REEP1: variants seen among roughly 807,000 people sequenced by gnomAD.
REEP1 encodes the protein receptor expression-enhancing protein 1.
Under a neutral mutation model 40.3 loss-of-function variants are expected in REEP1, and 22 were observed. The ratio of observed to expected loss-of-function variants is 0.55; its 90% CI spans 0.39 to 0.78. REEP1 has a LOEUF of 0.78. Ranked by LOEUF, REEP1 falls within the 30% of genes least tolerant of loss-of-function variation. The probability of loss-of-function intolerance (pLI) is 0.00; values close to 1 mark genes in which losing one functional copy is unlikely to be tolerated. For missense variants in REEP1, 280 were observed against 361.1 expected, an observed-to-expected ratio of 0.78 and a Z score of 1.82; for synonymous variants, 116 against 139.2, an observed-to-expected ratio of 0.83 and a Z score of 1.17.
At chr2:86,233,886 C>T (rs925879470) in intron 5 of REEP1, among the ~76,000 whole-genome samples, 3 of 151,526 alleles carry the variant, frequency 2.0e-5, no homozygotes, top group African/African-American at 4.9e-5. Context: ...AAAGAGTGGT[C>T]CCAGAGATCT....
chr2:86,336,811 C>T (rs954206108), intron 1 of REEP1: 2 of 152,512 alleles, frequency 1.3e-5, no homozygotes, highest in African/African-American at 4.8e-5. Context: ...CCGTGCATTC[C>T]TGGAGGTACC....
intron 4 of REEP1, 54 bp from the exon 5 acceptor site, chr2:86,252,124 GTTTTC>G: frequency 8.0e-7 from 1 of 1,244,608 alleles, no homozygotes; most frequent in Non-Finnish European, 1.2e-6. Flanking sequence ...ACACATCTCT[GTTTTC>G]TTTCCTTTCC....
At chr2:86,333,996 C>A (rs944820354) in intron 1 of REEP1, among the ~76,000 whole-genome samples, 1 of 152,218 alleles carries the variant, frequency 6.6e-6, no homozygotes, top group African/African-American at 2.4e-5. Flanking sequence ...TGCCTGCTGA[C>A]CTCCGTCCCC....
At chr2:86,274,737 G>A (rs1574068194) in intron 2 of REEP1, among the ~76,000 whole-genome samples, 2 of 152,146 alleles carry the variant, frequency 1.3e-5, no homozygotes, top group African/African-American at 4.8e-5. Flanking sequence ...TAATATTCAG[G>A]AGTAACTCTC....
At chr2:86,245,584 T>C (rs796462919) in intron 5 of REEP1, among the ~76,000 whole-genome samples, 3 of 152,198 alleles carry the variant, frequency 2.0e-5, no homozygotes, top group Non-Finnish European at 4.4e-5. Flanking sequence ...ATCTAAGTGA[T>C]TGTACTCAAT....
chr2:86,338,024 C>T (rs755719093), upstream of REEP1: 26 of 1,537,062 alleles, frequency 1.7e-5, no homozygotes, highest in Non-Finnish European at 1.9e-5. Context: ...AAGGGTTTAC[C>T]TGGATCCAGA....
At chr2:86,274,398 T>G in intron 2 of REEP1, among the ~76,000 whole-genome samples, 1 of 152,226 alleles carries the variant, frequency 6.6e-6, no homozygotes, top group East Asian at 1.9e-4. Context: ...GGGGACTTAA[T>G]GCATTCTCCT....
At position 86,326,483 on chromosome 2, in the gene REEP1, C is replaced by T. The variant is rs143233844; in HGVS notation, c.32+10996G>A. On this transcript the variant is annotated intron_variant, in intron 1 of 8. Coordinates refer to ENST00000538924, the MANE Select transcript of REEP1 (RefSeq NM_001371279.1). Reference sequence around the variant, plus strand: ...ATCCCAGCACTTTGGGGTGCCAAGGCGGGCAGATCACCTGATGTCAGGAGT... The same window carrying T: ...ATCCCAGCACTTTGGGGTGCCAAGGTGGGCAGATCACCTGATGTCAGGAGT... 5.1e-3 allele frequency among the ~76,000 whole-genome samples: 769 copies of T among 152,164 alleles called. 3 individuals carry two copies. Among genetic ancestry groups the T allele is most frequent in the African/African-American group, 0.017 (724 of 41,520 alleles).
intron 1 of REEP1, among the ~76,000 whole-genome samples, chr2:86,305,985 G>A (rs962825275): frequency 6.6e-6 from 1 of 152,166 alleles, no homozygotes; most frequent in African/African-American, 2.4e-5. Flanking sequence ...GAATATTGGA[G>A]TAAAGTCTTA....
chr2:86,280,167 A>T, intron 2 of REEP1: 1 of 398,586 alleles, frequency 2.5e-6, no homozygotes, highest in East Asian at 7.3e-5. Context: ...CAGGAAGGAA[A>T]CACAGGAGTG....
chr2:86,235,567 T>C (rs1025728490), intron 5 of REEP1, among the ~76,000 whole-genome samples: 1 of 152,116 alleles, frequency 6.6e-6, no homozygotes, highest in Non-Finnish European at 1.5e-5. Flanking sequence ...AAAGCAGAGG[T>C]GGAAAAGGTC....
chr2:86,267,385 A>G (rs879803441), intron 2 of REEP1, among the ~76,000 whole-genome samples: 3 of 152,186 alleles, frequency 2.0e-5, no homozygotes, highest in Non-Finnish European at 4.4e-5. Context: ...ACGTTCCACC[A>G]TGATTGTAAG....
intron 3 of REEP1, among the ~76,000 whole-genome samples, chr2:86,259,778 A>G (rs138639100): frequency 1.0e-3 from 156 of 152,292 alleles, no homozygotes; most frequent in African/African-American, 3.6e-3. Context: ...CTGGGACCAT[A>G]AATAATTGTT....
chr2:86,290,719 C>G (rs542244885), intron 1 of REEP1, among the ~76,000 whole-genome samples: 3 of 152,326 alleles, frequency 2.0e-5, no homozygotes, highest in South Asian at 4.1e-4. Flanking sequence ...GAAACTCTGA[C>G]CTTTACCATA....
intron 3 of REEP1, among the ~76,000 whole-genome samples, chr2:86,255,790 T>C (rs375682898): frequency 2.0e-5 from 3 of 152,176 alleles, no homozygotes; most frequent in African/African-American, 7.2e-5. Context: ...TTTGAATGTA[T>C]TAGAAGAAAA....
At chr2:86,256,331 G>T (rs1676560640) in intron 3 of REEP1, among the ~76,000 whole-genome samples, 1 of 133,124 alleles carries the variant, frequency 7.5e-6, no homozygotes, top group East Asian at 2.1e-4. Flanking sequence ...CTGGGCGACA[G>T]AGCAAGATTC....
intron 2 of REEP1, among the ~76,000 whole-genome samples, chr2:86,275,160 C>T (rs1309704144): frequency 6.6e-6 from 1 of 152,122 alleles, no homozygotes; most frequent in Non-Finnish European, 1.5e-5. Context: ...AAAATTCAAG[C>T]CTGCTTTACA....
Position 86,250,382 on chromosome 2 carries a change from G to A in REEP1, c.417+1575C>T, listed in dbSNP as rs72938396. Among the ~76,000 whole-genome samples the A allele has an allele frequency of 9.4e-3, 1,434 of 152,292 alleles. 14 individuals carry two copies. Among genetic ancestry groups the A allele is most frequent in the African/African-American group, 0.031 (1,298 of 41,554 alleles). ...TGAGACAGGGTTTCCGTAGCTTTAC[G>A]TTGCCAGGTTGGCCTGATGAATTCA... is the stretch of plus-strand genomic sequence containing the variant. On this transcript the variant is annotated intron_variant, in intron 5 of 8. Transcript: ENST00000538924.
chr2:86,221,055 A>G (rs1373016858), intron 7 of REEP1, among the ~76,000 whole-genome samples: 1 of 152,154 alleles, frequency 6.6e-6, no homozygotes, highest in African/African-American at 2.4e-5. Flanking sequence ...AGGGGTTCTC[A>G]AGTCATCTGG....
Sources: gnomAD v4.1 joint callset for allele counts (sites outside exome capture counted in the v4.1 genomes callset) on GRCh38, gnomAD v4.1.1 for gene constraint, MANE v1.5 for transcripts, NCBI Gene and HGNC (gene_info 2026-07-23, HGNC 2026-07-21) for gene names.